The following KCNIP4 variants were observed in gnomAD, a reference collection of about 807,000 sequenced individuals.
KCNIP4 encodes the protein Kv channel-interacting protein 4.
In KCNIP4, 12 loss-of-function variants were observed where a neutral mutation model predicts 34.0. That is an observed-to-expected ratio of 0.35 (90% CI 0.23 to 0.57). The LOEUF (loss-of-function observed/expected upper bound fraction) is 0.57, where lower values mean the gene tolerates loss of function less well. KCNIP4 is among the 20% of genes least tolerant of loss of function. KCNIP4 has a pLI of 0.83. For synonymous variants in KCNIP4, 124 were observed against 102.2 expected (o/e 1.21, Z -1.29); for missense variants, 238 against 311.7 (o/e 0.76, Z 1.78).
chr4:20,747,348 G>T (rs1285497185), intron 5 of KCNIP4, among the ~76,000 whole-genome samples: 1 of 152,116 alleles, frequency 6.6e-6, no homozygotes, highest in South Asian at 2.1e-4. Context: ...TATATTAGGT[G>T]AACTATATTA....
chr4:21,463,592 T>G (rs1008002069), intron 1 of KCNIP4, among the ~76,000 whole-genome samples: 2 of 152,038 alleles, frequency 1.3e-5, no homozygotes, highest in African/African-American at 4.8e-5. Context: ...CTTTATTCCT[T>G]TTTATTGCCA....
intron 1 of KCNIP4, among the ~76,000 whole-genome samples, chr4:21,401,584 A>T (rs897485006): frequency 9.2e-5 from 14 of 152,224 alleles, no homozygotes; most frequent in African/African-American, 2.4e-4. Context: ...CAAGAAAAAA[A>T]ATCCCTTTCA....
chr4:21,245,601 G>A (rs1227281112), intron 1 of KCNIP4, among the ~76,000 whole-genome samples: 1 of 152,090 alleles, frequency 6.6e-6, no homozygotes, highest in Non-Finnish European at 1.5e-5. Flanking sequence ...ACATTTTTAA[G>A]AGGGGAATAA....
chr4:21,210,210 A>G (rs1202884136), intron 1 of KCNIP4, among the ~76,000 whole-genome samples: 1 of 152,186 alleles, frequency 6.6e-6, no homozygotes, highest in East Asian at 1.9e-4. Context: ...CTCATTAACA[A>G]TTGTTGCCTC....
intron 1 of KCNIP4, among the ~76,000 whole-genome samples, chr4:21,199,371 G>A (rs1756298135): frequency 6.6e-6 from 1 of 152,030 alleles, no homozygotes; most frequent in Admixed American, 6.6e-5. Context: ...TAAATGTCTT[G>A]AGAACTATCT....
chr4:21,817,692 T>C (rs1410985956), intron 1 of KCNIP4, among the ~76,000 whole-genome samples: 2 of 152,172 alleles, frequency 1.3e-5, no homozygotes, highest in African/African-American at 4.8e-5. Flanking sequence ...TCTTATGCAG[T>C]TGAGATAAGG....
intron 1 of KCNIP4, among the ~76,000 whole-genome samples, chr4:21,445,086 C>G (rs987793694): frequency 1.9e-4 from 29 of 152,252 alleles, no homozygotes; most frequent in African/African-American, 7.0e-4. Flanking sequence ...AGGACCTCTT[C>G]AAGGAGAACT....
chr4:21,752,765 T>C (rs1717240140), intron 1 of KCNIP4, among the ~76,000 whole-genome samples: 1 of 152,192 alleles, frequency 6.6e-6, no homozygotes, highest in African/African-American at 2.4e-5. Context: ...TTGTTTTGTT[T>C]TGTTATAGCT....
Position 21,192,117 on chromosome 4 carries a change from T to C in KCNIP4, c.62-309408A>G, listed in dbSNP as rs17448657. Among the ~76,000 whole-genome samples the C allele has an allele frequency of 4.4e-3, 667 of 152,302 alleles. 3 individuals carry two copies. The highest frequency in any genetic ancestry group is 9.0e-3 in the Admixed American group (138 of 15,296). ...ATTCAATTATATTCAGAGGGAAAAT[T>C]TATAACAGTTCAGGAGAGGAATTTA... is the stretch of plus-strand genomic sequence containing the variant. On this transcript the variant is annotated intron_variant, in intron 1 of 8. Transcript: ENST00000382152.
chr4:21,411,766 A>C (rs1161822117), intron 1 of KCNIP4, among the ~76,000 whole-genome samples: 1 of 152,116 alleles, frequency 6.6e-6, no homozygotes, highest in Non-Finnish European at 1.5e-5. Flanking sequence ...TGAGCCCAGG[A>C]GGTTGAGGCT....
chr4:21,307,159 G>A (rs1712576230), intron 1 of KCNIP4, among the ~76,000 whole-genome samples: 1 of 152,190 alleles, frequency 6.6e-6, no homozygotes, highest in South Asian at 2.1e-4. Flanking sequence ...AAGAGCATCA[G>A]AGTGAGAGTC....
chr4:21,672,966 A>G (rs1285472119), intron 1 of KCNIP4, among the ~76,000 whole-genome samples: 2 of 152,258 alleles, frequency 1.3e-5, no homozygotes, highest in Non-Finnish European at 2.9e-5. Context: ...AGACAGTGAC[A>G]TGGCTCCTGG....
At chr4:20,739,737 A>G (rs1448225211) in intron 5 of KCNIP4, among the ~76,000 whole-genome samples, 1 of 152,182 alleles carries the variant, frequency 6.6e-6, no homozygotes, top group Non-Finnish European at 1.5e-5. Flanking sequence ...TGGATGGAGA[A>G]TGACTTTGAT....
chr4:20,878,800 TG>T (rs1724357990), intron 2 of KCNIP4, among the ~76,000 whole-genome samples: 1 of 152,162 alleles, frequency 6.6e-6, no homozygotes, highest in Non-Finnish European at 1.5e-5. Flanking sequence ...AAACCCACAA[TG>T]CCCCTCTTTG....
In KCNIP4 at chr4:20,745,390, C is replaced by T. The variant is rs559582423; in HGVS notation, c.429+4272G>A. Among the ~76,000 whole-genome samples, 21 of 152,222 alleles carry T rather than the reference C, an allele frequency of 1.4e-4. No homozygotes were observed. The South Asian group carries it at 4.1e-3, about 30-fold the overall frequency. On this transcript the variant is annotated intron_variant, in intron 5 of 8. Transcript: ENST00000382152. ...CTCTTTTTATCCTGTGGGATGATAT[C>T]AGTAAAGAGTTACTCAAAACAGGAA...
chr4:21,733,007 C>T, intron 1 of KCNIP4, among the ~76,000 whole-genome samples: 1 of 152,190 alleles, frequency 6.6e-6, no homozygotes, highest in African/African-American at 2.4e-5. Flanking sequence ...TCCTATTTAA[C>T]TTTTAATAGA....
intron 1 of KCNIP4, among the ~76,000 whole-genome samples, chr4:21,808,184 A>T (rs1269511096): frequency 6.6e-6 from 1 of 152,176 alleles, no homozygotes; most frequent in Admixed American, 6.6e-5. Context: ...CCAACATGGA[A>T]TAGGAATCTG....
intron 1 of KCNIP4, among the ~76,000 whole-genome samples, chr4:21,104,422 T>C (rs1417929787): frequency 2.0e-5 from 3 of 152,114 alleles, no homozygotes; most frequent in Non-Finnish European, 2.9e-5. Context: ...ATATCCTTCA[T>C]CCACTTTTTG....
intron 1 of KCNIP4, among the ~76,000 whole-genome samples, chr4:21,246,466 T>A (rs942264358): frequency 1.3e-5 from 2 of 152,230 alleles, no homozygotes; most frequent in African/African-American, 4.8e-5. Flanking sequence ...AAAATACTTA[T>A]GTGTGCTAAA....
Sources: gnomAD v4.1 joint callset for allele counts (sites outside exome capture counted in the v4.1 genomes callset) on GRCh38, gnomAD v4.1.1 for gene constraint, MANE v1.5 for transcripts, NCBI Gene and HGNC (gene_info 2026-07-23, HGNC 2026-07-21) for gene names.